PDLIM3: variants seen among roughly 807,000 people sequenced by gnomAD.
PDLIM3 encodes the protein PDZ and LIM domain protein 3.
PDLIM3 carries 36 observed loss-of-function variants against 37.3 expected under a neutral mutation model. The observed-to-expected ratio is 0.97, with a 90% confidence interval of 0.74 to 1.28. The LOEUF is 1.28. Ranked by LOEUF, PDLIM3 falls within the 50% of genes most tolerant of loss-of-function variation. The pLI is 0.00. For synonymous variants in PDLIM3, 174 were observed against 182.4 expected (o/e 0.95, Z 0.37); for missense variants, 454 against 485.0 (o/e 0.94, Z 0.60).
chr4:185,514,324 A>T lies in PDLIM3; in HGVS notation c.344T>A (p.Phe115Tyr), dbSNP rs1259450618. 3.1e-6 allele frequency: 5 copies of T among 1,614,202 alleles called. No individual in the cohort carries two copies. Among genetic ancestry groups the T allele is most frequent in the Non-Finnish European group, 4.2e-6 (5 of 1,180,032 alleles). ...GGGCCGAATATTATGCTTGTGTTCA[A>T]AGTAGTTCCCGTCCTGTGAAAACAA... The part of the protein sequence containing the change: ...LESEPQDGNY[F>Y]EHKHNIRPKP... Residue 115 changes from phenylalanine (F) to tyrosine (Y), a missense_variant, in exon 4 of 8, where the codon TTT becomes TAT. By Grantham distance (22) the Phe-to-Tyr change is conservative. Coordinates refer to ENST00000284767, the MANE Select transcript of PDLIM3 (RefSeq NM_014476.6). This position sits in a 1 kb window ranked among gnomAD's most constrained non-coding sequence, Gnocchi z 4.0.
Position 185,514,941 on chromosome 4 carries a change from T to C in PDLIM3, c.331-604A>G, listed in dbSNP as rs2095712671. 3.5e-6 allele frequency: 5 copies of C among 1,441,556 alleles called. No homozygotes were observed. Among genetic ancestry groups the C allele is most frequent in the East Asian group, 2.5e-5 (1 of 39,950 alleles). The allele number at this position is 1,441,556 out of a possible 1,614,324, so 89.3% of individuals were successfully genotyped here. On this transcript the variant is annotated intron_variant, in intron 3 of 7. Coordinates refer to ENST00000284767, the MANE Select transcript of PDLIM3 (RefSeq NM_014476.6). The surrounding 1 kb of genome is among the most constrained non-coding windows in gnomAD (Gnocchi z 4.0). The stretch of plus-strand genomic sequence containing the variant: ...AGCCACACAGCGCACAAGAAAGCCA[T>C]TAGTGAGCGAAACCAACAGCATCAC...
chr4:185,504,485 T>C lies in PDLIM3; in HGVS notation c.895A>G (p.Ser299Gly). Residue 299 changes from serine (S) to glycine (G), a missense_variant, in exon 7 of 8, where the codon AGT becomes GGT. By Grantham distance (56) the Ser-to-Gly change is moderately conservative (BLOSUM62 0). Coordinates refer to ENST00000284767, the MANE Select transcript of PDLIM3 (RefSeq NM_014476.6). The surrounding 1 kb of genome is among the most constrained non-coding windows in gnomAD (Gnocchi z 4.7). ...QRMPLCDKCG[S>G]GIVGAVVKAR... ...AAAAGTGAAACTTACACTATGCCACTCCCACATTTGTCACAGAGCGGCATC... is the reference window on the plus strand; with the variant it reads ...AAAAGTGAAACTTACACTATGCCACCCCCACATTTGTCACAGAGCGGCATC... 1.9e-6 allele frequency: 3 copies of C among 1,613,068 alleles called. No individual in the cohort carries two copies. The highest frequency in any genetic ancestry group is 2.7e-5 in the African/African-American group (2 of 75,034).
intron 7 of PDLIM3, among the ~76,000 whole-genome samples, chr4:185,503,092 T>TGGTAGC (rs536052150): frequency 6.6e-6 from 1 of 151,884 alleles, no homozygotes; most frequent in African/African-American, 2.4e-5. Flanking sequence ...TAGCCGGGCG[T>TGGTAGC]GGGCACCTGT....
intron 3 of PDLIM3, chr4:185,515,220 T>C: frequency 5.9e-6 from 1 of 169,716 alleles, no homozygotes; most frequent in East Asian, 1.6e-4. Context: ...TACAGACATT[T>C]TGTGTCAGAA....
intron 4 of PDLIM3, chr4:185,513,178 G>C: frequency 1.0e-6 from 1 of 985,334 alleles, no homozygotes; most frequent in Non-Finnish European, 1.2e-6. Context: ...GTTCTAGGGG[G>C]GGGAAGATGT....
In PDLIM3 at chr4:185,514,520, G is replaced by A; in HGVS notation, c.331-183C>T. ...AACCATCTATCCGCTAAACGGTCAG[G>A]CACTGGCGGATTGGACCCCACAACA... On this transcript the variant is annotated intron_variant, in intron 3 of 7. Coordinates refer to ENST00000284767, the MANE Select transcript of PDLIM3 (RefSeq NM_014476.6). This position sits in a 1 kb window ranked among gnomAD's most constrained non-coding sequence, Gnocchi z 4.0. 7.4e-7 allele frequency: 1 copy of A among 1,351,444 alleles called. No homozygotes were observed. Among genetic ancestry groups the A allele is most frequent in the Non-Finnish European group, 1.0e-6 (1 of 976,358 alleles). 83.7% of individuals were successfully genotyped at this position (1,351,444 alleles called of 1,614,324 possible). A position where few individuals can be genotyped will look rare whatever the true frequency, so the allele number is the denominator to read the frequency against.
intron 1 of PDLIM3, among the ~76,000 whole-genome samples, chr4:185,528,802 C>T (rs2095738769): frequency 6.6e-6 from 1 of 152,214 alleles, no homozygotes; most frequent in African/African-American, 2.4e-5. Flanking sequence ...AACATGATGT[C>T]TTTACTTTTT....
chr4:185,520,368 C>T (rs2095721911), intron 3 of PDLIM3, among the ~76,000 whole-genome samples: 1 of 152,144 alleles, frequency 6.6e-6, no homozygotes. Context: ...AGTCATGACG[C>T]AAAGTCATGG....
chr4:185,526,523 A>G (rs1052702580), intron 1 of PDLIM3, among the ~76,000 whole-genome samples: 2 of 152,334 alleles, frequency 1.3e-5, no homozygotes, highest in Admixed American at 6.5e-5. Flanking sequence ...AATTTAAAAT[A>G]TTTAAAAATA....
In PDLIM3 at chr4:185,504,532, C is replaced by T. The variant is rs764788987; in HGVS notation, c.848G>A (p.Gly283Asp). 6.2e-7 allele frequency: 1 copy of T among 1,614,242 alleles called. No homozygotes were observed. The highest frequency in any genetic ancestry group is 8.5e-7 in the Non-Finnish European group (1 of 1,180,048). Residue 283 changes from glycine to aspartate, a missense_variant, in exon 7 of 8, where the codon GGC becomes GAC. By Grantham distance (94) the Gly-to-Asp change is moderately conservative. Transcript: ENST00000284767. This position sits in a 1 kb window ranked among gnomAD's most constrained non-coding sequence, Gnocchi z 4.7. Reference sequence around the variant, plus strand: ...CATCCTCTGTGCCCCGCCTGAACCGCCATGGACTTTCGTCACCGGAGCTCT... The same window carrying T: ...CATCCTCTGTGCCCCGCCTGAACCGTCATGGACTTTCGTCACCGGAGCTCT... ...SVRAPVTKVHGGSGGAQRMPL... is the reference protein window; with the variant it reads ...SVRAPVTKVHDGSGGAQRMPL...
intron 7 of PDLIM3, 139 bp from the exon 8 acceptor site, chr4:185,502,622 C>G (rs1270661281): frequency 2.6e-6 from 2 of 774,726 alleles, no homozygotes. Flanking sequence ...AAAGCAGGCA[C>G]AGCCGTGAAA....
chr4:185,525,001 A>G lies in PDLIM3; in HGVS notation c.245+19T>C, dbSNP rs2095730472. 1 of 1,612,978 alleles carries G rather than the reference A, an allele frequency of 6.2e-7. No individual in the cohort carries two copies. The highest frequency in any genetic ancestry group is 1.3e-5 in the African/African-American group (1 of 74,898). On this transcript the variant is annotated intron_variant, in intron 2 of 7. Coordinates refer to ENST00000284767, the MANE Select transcript of PDLIM3 (RefSeq NM_014476.6). ...CCTGCAAAACAGATCAGATTTAAGC[A>G]CCATTAGTTAAGAAGCACCTGTCAA...
At chr4:185,523,269 C>T in intron 3 of PDLIM3, 93 bp downstream of exon 3, 2 of 832,390 alleles carry the variant, frequency 2.4e-6, no homozygotes, top group Non-Finnish European at 4.1e-6. Context: ...GTGGCTTGTT[C>T]CAATTTTTCT....
At chr4:185,535,002 T>C (rs1188939391) in intron 1 of PDLIM3, among the ~76,000 whole-genome samples, 3 of 152,194 alleles carry the variant, frequency 2.0e-5, no homozygotes, top group South Asian at 4.1e-4. Flanking sequence ...ATTTCTGTTA[T>C]CACATATAAA....
At position 185,514,352 on chromosome 4, in the gene PDLIM3, C is replaced by G. The variant is rs771774420; in HGVS notation, c.331-15G>C. On this transcript the variant is annotated splice_polypyrimidine_tract_variant and intron_variant, in intron 3 of 7. Coordinates refer to ENST00000284767, the MANE Select transcript of PDLIM3 (RefSeq NM_014476.6). The surrounding 1 kb of genome is among the most constrained non-coding windows in gnomAD (Gnocchi z 4.0). The stretch of plus-strand genomic sequence containing the variant: ...TAGTTCCCGTCCTGTGAAAACAAAG[C>G]GTTAAAAAGGCCCTCAGTGGAAGGC... 2 of 1,614,084 alleles carry G rather than the reference C, an allele frequency of 1.2e-6. No homozygotes were observed. Among genetic ancestry groups the G allele is most frequent in the Non-Finnish European group, 1.7e-6 (2 of 1,180,012 alleles).
rs1017711247 is a variant in PDLIM3 at position 185,514,401 on chromosome 4, A to G, written c.331-64T>C. Reference sequence around the variant, plus strand: ...GCGGACACTGTTGCAGATAAGATTAAACGAACGATAGTTGTACAGGGAGGA... The same window carrying G: ...GCGGACACTGTTGCAGATAAGATTAGACGAACGATAGTTGTACAGGGAGGA... On this transcript the variant is annotated intron_variant, in intron 3 of 7. Coordinates refer to ENST00000284767, the MANE Select transcript of PDLIM3 (RefSeq NM_014476.6). The surrounding 1 kb of genome is among the most constrained non-coding windows in gnomAD (Gnocchi z 4.0). The G allele has an allele frequency of 8.7e-6, 14 of 1,613,892 alleles. No homozygotes were observed. In the African/African-American group the frequency reaches 1.7e-4, roughly 20 times the overall value.
intron 1 of PDLIM3, among the ~76,000 whole-genome samples, chr4:185,534,811 G>A (rs1181358409): frequency 1.3e-5 from 2 of 152,196 alleles, no homozygotes; most frequent in African/African-American, 4.8e-5. Context: ...GCTGATAGGA[G>A]CGGCTCCAGT....
intron 7 of PDLIM3, among the ~76,000 whole-genome samples, chr4:185,503,976 A>G (rs1268366981): frequency 2.0e-5 from 3 of 152,170 alleles, no homozygotes; most frequent in African/African-American, 7.2e-5. Flanking sequence ...CTTGTAATGG[A>G]AGCTGACAGT....
intron 3 of PDLIM3, chr4:185,516,778 T>C (rs909912387): frequency 2.0e-5 from 3 of 152,364 alleles, no homozygotes; most frequent in African/African-American, 7.2e-5. Context: ...GAATCTGTGA[T>C]GGGGTAAAGA....
Sources: gnomAD v4.1 joint callset for allele counts (sites outside exome capture counted in the v4.1 genomes callset) on GRCh38, gnomAD v4.1.1 for gene constraint, Gnocchi (gnomAD v3.1) non-coding constraint, MANE v1.5 for transcripts, NCBI Gene and HGNC (gene_info 2026-07-23, HGNC 2026-07-21) for gene names.